STRN: variants seen among roughly 807,000 people sequenced by gnomAD.
STRN encodes striatin, also known as protein phosphatase 2 regulatory subunit B'''alpha.
A neutral mutation model predicts 96.3 loss-of-function variants in STRN; 53 were observed. That is an observed-to-expected ratio of 0.55 (90% CI 0.44 to 0.69). STRN has a LOEUF of 0.69. Ranked by LOEUF, STRN falls within the 30% of genes least tolerant of loss-of-function variation. STRN has a pLI of 0.00. For synonymous variants in STRN, 428 were observed against 355.9 expected, an observed-to-expected ratio of 1.20 and a Z score of -2.28; for missense variants, 987 against 963.9, an observed-to-expected ratio of 1.02 and a Z score of -0.32.
intron 3 of STRN, among the ~76,000 whole-genome samples, chr2:36,913,933 C>A (rs1369770800): frequency 1.3e-5 from 2 of 152,048 alleles, no homozygotes; most frequent in Non-Finnish European, 2.9e-5. Context: ...CATCTACCTG[C>A]TTTTAAAGCG....
At chr2:36,858,908 G>A (rs2148134536) in intron 13 of STRN, among the ~76,000 whole-genome samples, 1 of 152,308 alleles carries the variant, frequency 6.6e-6, no homozygotes, top group South Asian at 2.1e-4. Flanking sequence ...AGAGTAACTG[G>A]AATGAGTGAG....
chr2:36,943,919 C>G (rs957206868), intron 1 of STRN, among the ~76,000 whole-genome samples: 1 of 152,006 alleles, frequency 6.6e-6, no homozygotes, highest in African/African-American at 2.4e-5. Context: ...GAGTTCGAGA[C>G]CAGCCTGGCC....
intron 9 of STRN, among the ~76,000 whole-genome samples, chr2:36,878,900 G>A (rs908144565): frequency 4.8e-5 from 7 of 144,540 alleles, no homozygotes; most frequent in Admixed American, 3.5e-4. Flanking sequence ...TTACAGGTGC[G>A]TGCCACCACA....
intron 10 of STRN, among the ~76,000 whole-genome samples, chr2:36,870,773 A>G (rs1029857025): frequency 6.6e-6 from 1 of 152,062 alleles, no homozygotes; most frequent in African/African-American, 2.4e-5. Flanking sequence ...TTATTTTTTA[A>G]AAGTTAACTG....
chr2:36,931,814 T>G (rs553700982), intron 1 of STRN, among the ~76,000 whole-genome samples: 1 of 152,340 alleles, frequency 6.6e-6, no homozygotes, highest in Non-Finnish European at 1.5e-5. Context: ...ACTGCTTGCT[T>G]GCTTGCTTAT....
At chr2:36,957,983 G>A (rs1365514122) in intron 1 of STRN, among the ~76,000 whole-genome samples, 6 of 146,358 alleles carry the variant, frequency 4.1e-5, no homozygotes, top group Admixed American at 1.4e-4. Context: ...ACAGTGGCGC[G>A]ATCTTGGCTC....
Position 36,966,518 on chromosome 2 carries a change from C to A in STRN, c.-55G>T. ...CGGCGCCCAGCAGCGGAGGCAACAGCGGCGGCAAGCAGCGCCTCCTCCTCC... is the reference window on the plus strand; with the variant it reads ...CGGCGCCCAGCAGCGGAGGCAACAGAGGCGGCAAGCAGCGCCTCCTCCTCC... On this transcript the variant is annotated 5_prime_UTR_variant, in exon 1 of 18. Coordinates refer to ENST00000263918, the MANE Select transcript of STRN (RefSeq NM_003162.4). 1.5e-6 allele frequency: 2 copies of A among 1,309,776 alleles called. No individual in the cohort carries two copies. Among genetic ancestry groups the A allele is most frequent in the Non-Finnish European group, 2.0e-6 (2 of 1,011,496 alleles). The allele number at this position is 1,309,776 out of a possible 1,614,324, so 81.1% of individuals were successfully genotyped here. A position where few individuals can be genotyped will look rare whatever the true frequency, so the allele number is the denominator to read the frequency against.
rs1479758568 is a variant in STRN at position 36,891,462 on chromosome 2, T to C, written c.931+2436A>G. Among the ~76,000 whole-genome samples, 3 of 152,204 alleles carry C rather than the reference T, an allele frequency of 2.0e-5. No homozygotes were observed. In the East Asian group the frequency reaches 5.8e-4, roughly 29 times the overall value. ...ACTGCTTGAATCCAGAAGGCGGAGATTTCAGTGAGCCAAGATTGCACCACT... is the reference window on the plus strand; with the variant it reads ...ACTGCTTGAATCCAGAAGGCGGAGACTTCAGTGAGCCAAGATTGCACCACT... On this transcript the variant is annotated intron_variant, in intron 7 of 17. Coordinates refer to ENST00000263918, the MANE Select transcript of STRN (RefSeq NM_003162.4).
Position 36,848,692 on chromosome 2 carries a change from ATC to A in STRN, c.*762_*763del, listed in dbSNP as rs1163521579. ...AGAATTTCAAACCTGAATAAGTTAA[ATC>A]TGTTAGTAAAAGCAGAGTCGATCAA... On this transcript the variant is annotated 3_prime_UTR_variant, in exon 18 of 18. Coordinates refer to ENST00000263918, the MANE Select transcript of STRN (RefSeq NM_003162.4). The A allele has an allele frequency of 6.6e-6, 1 of 152,200 alleles. No individual in the cohort carries two copies. Among genetic ancestry groups the A allele is most frequent in the East Asian group, 1.9e-4 (1 of 5,196 alleles). The allele number at this position is 152,200 out of a possible 1,614,324, so 9.4% of individuals were successfully genotyped here. A position where few individuals can be genotyped will look rare whatever the true frequency, so the allele number is the denominator to read the frequency against.
chr2:36,845,579 G>A lies in STRN; in HGVS notation c.*3877C>T, dbSNP rs1247050716. On this transcript the variant is annotated 3_prime_UTR_variant, in exon 18 of 18. Coordinates refer to ENST00000263918, the MANE Select transcript of STRN (RefSeq NM_003162.4). ...TCATGACATGCTGTTTTGTAAGAGG[G>A]AAATATATGAAGTATTAAAAAGTGA... is the stretch of plus-strand genomic sequence containing the variant. 2 of 152,098 alleles carry A rather than the reference G, an allele frequency of 1.3e-5. No homozygotes were observed. The highest frequency in any genetic ancestry group is 4.8e-5 in the African/African-American group (2 of 41,500). 9.4% of individuals were successfully genotyped at this position (152,098 alleles called of 1,614,324 possible).
intron 11 of STRN, 64 bp downstream of exon 11, chr2:36,869,490 T>C (rs1572634623): frequency 1.6e-6 from 2 of 1,282,576 alleles, no homozygotes; most frequent in Non-Finnish European, 2.1e-6. Context: ...TCATAAAATA[T>C]GTAGTTTTCT....
chr2:36,939,298 C>G (rs1419387405), intron 1 of STRN, among the ~76,000 whole-genome samples: 1 of 152,130 alleles, frequency 6.6e-6, no homozygotes, highest in Non-Finnish European at 1.5e-5. Context: ...CGAAGCCACT[C>G]AGGGATCTCC....
At chr2:36,911,670 T>C (rs1266363178) in intron 3 of STRN, among the ~76,000 whole-genome samples, 1 of 152,204 alleles carries the variant, frequency 6.6e-6, no homozygotes. Context: ...AGCCTCCTTG[T>C]GTCTTCACTT....
At chr2:36,883,031 A>G (rs1057020293) in intron 9 of STRN, among the ~76,000 whole-genome samples, 8 of 152,216 alleles carry the variant, frequency 5.3e-5, no homozygotes, top group African/African-American at 1.9e-4. Context: ...CTACAATATA[A>G]TATACAATCT....
At chr2:36,856,745 A>G (rs903112388) in intron 14 of STRN, among the ~76,000 whole-genome samples, 20 of 152,348 alleles carry the variant, frequency 1.3e-4, no homozygotes, top group African/African-American at 4.8e-5. Flanking sequence ...CATGTCAAAC[A>G]TAATCCCCAA....
At chr2:36,935,172 G>A (rs890429296) in intron 1 of STRN, among the ~76,000 whole-genome samples, 1 of 152,158 alleles carries the variant, frequency 6.6e-6, no homozygotes, top group African/African-American at 2.4e-5. Context: ...CCAGCTCCAT[G>A]CCTTGGCTTA....
At chr2:36,930,249 T>G (rs2148238537) in intron 1 of STRN, among the ~76,000 whole-genome samples, 1 of 152,128 alleles carries the variant, frequency 6.6e-6, no homozygotes, top group East Asian at 1.9e-4. Flanking sequence ...CTGACCAGTA[T>G]GATGAAACCC....
chr2:36,866,010 C>G (rs996526829), intron 12 of STRN, among the ~76,000 whole-genome samples: 6 of 152,130 alleles, frequency 3.9e-5, no homozygotes, highest in Admixed American at 2.0e-4. Flanking sequence ...ACCAATAAAT[C>G]ATTCAGGAGC....
rs183713307 is a variant in STRN at position 36,939,445 on chromosome 2, T to C, written c.235-14237A>G. Reference sequence around the variant, plus strand: ...CTTTCATATACCTATCTTATTCGCATTATATATCTTAATTCTTCACAGCAG... The same window carrying C: ...CTTTCATATACCTATCTTATTCGCACTATATATCTTAATTCTTCACAGCAG... On this transcript the variant is annotated intron_variant, in intron 1 of 17. Transcript: ENST00000263918. Among the ~76,000 whole-genome samples, 780 of 152,282 alleles carry C rather than the reference T, an allele frequency of 5.1e-3. 5 individuals are homozygous for C. Among genetic ancestry groups the C allele is most frequent in the South Asian group, 0.031 (150 of 4,828 alleles).
Sources: gnomAD v4.1 joint callset for allele counts (sites outside exome capture counted in the v4.1 genomes callset) on GRCh38, gnomAD v4.1.1 for gene constraint, MANE v1.5 for transcripts, NCBI Gene and HGNC (gene_info 2026-07-23, HGNC 2026-07-21) for gene names.